TEX15: variants seen among roughly 807,000 people sequenced by gnomAD.
TEX15 encodes the protein testis-expressed protein 15.
Under a neutral mutation model 237.3 loss-of-function variants are expected in TEX15, and 171 were observed. The observed-to-expected ratio is 0.72, with a 90% CI of 0.64 to 0.82. The LOEUF is 0.82. Among genes scored for constraint, TEX15 ranks in the 40% least tolerant of loss-of-function variants. The probability of loss-of-function intolerance (pLI) is 0.00; values close to 1 mark genes in which losing one functional copy is unlikely to be tolerated. For missense variants in TEX15, 3,750 were observed against 3,646.5 expected (o/e 1.03, Z -0.73); for synonymous variants, 1,338 against 1,269.8 (o/e 1.05, Z -1.14).
chr8:30,849,185 G>A lies in TEX15; in HGVS notation c.982C>T (p.Leu328=), dbSNP rs1364629793. 6.5e-7 allele frequency: 1 copy of A among 1,540,032 alleles called. No individual in the cohort carries two copies. Among genetic ancestry groups the A allele is most frequent in the Non-Finnish European group, 8.7e-7 (1 of 1,147,426 alleles). The change falls in exon 8 of 11, where the codon CTA becomes TTA. Residue 328 remains leucine, a synonymous_variant. Transcript: ENST00000643185. ...FVQENCLCNA[L]NSEINPFISN... The stretch of plus-strand genomic sequence containing the variant: ...ATGAAAGGATTTATCTCTGAATTTA[G>A]TGCATTGCATAAACAGTTTTCTTGA...
intron 3 of TEX15, among the ~76,000 whole-genome samples, chr8:30,884,130 C>A (rs928697963): frequency 6.6e-6 from 1 of 152,150 alleles, no homozygotes; most frequent in African/African-American, 2.4e-5. Flanking sequence ...AGCCACAGTG[C>A]CCAATGGTGT....
Position 30,846,640 on chromosome 8 carries a change from G to A in TEX15, c.3527C>T (p.Ala1176Val), listed in dbSNP as rs2128768000. ...ATGTGTGCAAAAACTATCTTTCAAT[G>A]CAAGGGAGTCAGCTGTCGGGCTGAA... The part of the protein sequence containing the change: ...PGFSPTADSL[A>V]LKDSFCTHVT... Residue 1176 changes from alanine to valine, a missense_variant, in exon 8 of 11, where the codon GCA becomes GTA. Ala to Val is a moderately conservative substitution (Grantham distance 64). Transcript: ENST00000643185. 1.2e-6 allele frequency: 2 copies of A among 1,613,822 alleles called. No homozygotes were observed. Among genetic ancestry groups the A allele is most frequent in the East Asian group, 4.5e-5 (2 of 44,864 alleles).
At chr8:30,909,237 A>G (rs1311883265) in intron 1 of TEX15, among the ~76,000 whole-genome samples, 1 of 152,096 alleles carries the variant, frequency 6.6e-6, no homozygotes, top group Non-Finnish European at 1.5e-5. Context: ...CTTAAAAATC[A>G]AAATATGTTT....
intron 4 of TEX15, among the ~76,000 whole-genome samples, chr8:30,872,192 C>G (rs1366870331): frequency 6.6e-6 from 1 of 152,014 alleles, no homozygotes; most frequent in Non-Finnish European, 1.5e-5. Context: ...CAATTTCTAC[C>G]CCCAGATTGC....
chr8:30,848,344 T>C lies in TEX15; in HGVS notation c.1823A>G (p.Lys608Arg), dbSNP rs770129524. ...QTSTVFPLKK[K>R]VSIDEYLQNT... ...TTGAAGGTATTCATCAATGCTTACT[T>C]TCTTTTTGAGTGGAAAAACTGTAGA... The change falls in exon 8 of 11, where the codon AAA becomes AGA. Residue 608 changes from lysine to arginine, a missense_variant. By Grantham distance (26) the Lys-to-Arg change is conservative. Transcript: ENST00000643185. 65 of 1,614,054 alleles carry C rather than the reference T, an allele frequency of 4.0e-5. No homozygotes were observed. In the Admixed American group the frequency reaches 1.1e-3, roughly 27 times the overall value.
At chr8:30,905,189 G>A (rs1300630884) in intron 1 of TEX15, among the ~76,000 whole-genome samples, 1 of 151,170 alleles carries the variant, frequency 6.6e-6, no homozygotes, top group Admixed American at 6.6e-5. Context: ...CTGTTTGATC[G>A]TGCAATGTCA....
chr8:30,899,465 A>G (rs1274401120), intron 1 of TEX15, among the ~76,000 whole-genome samples: 1 of 152,198 alleles, frequency 6.6e-6, no homozygotes, highest in Non-Finnish European at 1.5e-5. Context: ...CGTGTGAGAC[A>G]GTCTCACTCA....
At chr8:30,907,481 A>G (rs1032413563) in intron 1 of TEX15, among the ~76,000 whole-genome samples, 2 of 147,338 alleles carry the variant, frequency 1.4e-5, no homozygotes, top group Admixed American at 1.4e-4. Context: ...GTATATATAA[A>G]TTATATATAA....
In TEX15 at chr8:30,844,959, G is replaced by A. The variant is rs779269778; in HGVS notation, c.5208C>T (p.Tyr1736=). The A allele has an allele frequency of 3.1e-6, 5 of 1,613,408 alleles. No homozygotes were observed. The East Asian group carries it at 8.9e-5, about 29-fold the overall frequency. The change falls in exon 8 of 11, where the codon TAC becomes TAT. Residue 1736 remains tyrosine (Y), a synonymous_variant. Coordinates refer to ENST00000643185, the MANE Select transcript of TEX15 (RefSeq NM_001350162.2). ...CAGTAAGAATTCTCTGCTTATCCAA[G>A]TAAGATTTTGAAGATTCTCCCTCAC... ...TDSEGESSKS[Y]LDKQRILTVD... is the part of the protein sequence containing the mutation.
intron 8 of TEX15, among the ~76,000 whole-genome samples, chr8:30,840,489 C>T (rs1563230071): frequency 6.6e-6 from 1 of 152,212 alleles, no homozygotes; most frequent in Non-Finnish European, 1.5e-5. Context: ...AGCCACCACA[C>T]CTGGCCCTTA....
chr8:30,900,456 AAT>A (rs1808986275), intron 1 of TEX15, among the ~76,000 whole-genome samples: 1 of 152,234 alleles, frequency 6.6e-6, no homozygotes, highest in Admixed American at 6.5e-5. Flanking sequence ...TTATATGAGT[AAT>A]ATGTGTATTT....
rs938831287 is a variant in TEX15, at chr8:30,842,058, T to C, written c.8109A>G (p.Glu2703=). The C allele has an allele frequency of 1.9e-6, 3 of 1,611,650 alleles. No individual in the cohort carries two copies. Among genetic ancestry groups the C allele is most frequent in the Non-Finnish European group, 2.5e-6 (3 of 1,179,402 alleles). The part of the protein sequence containing the change: ...KKRPSTVDKC[E]DSQEQQQDTT... ...TATCTTGCTGTTGTTCCTGAGAGTC[T>C]TCACATTTGTCTACAGTGCTCGGTC... The change falls in exon 8 of 11, where the codon GAA becomes GAG. Residue 2703 remains glutamate, a synonymous_variant. Coordinates refer to ENST00000643185, the MANE Select transcript of TEX15 (RefSeq NM_001350162.2).
intron 3 of TEX15, among the ~76,000 whole-genome samples, chr8:30,877,773 A>C (rs1808431394): frequency 1.3e-5 from 2 of 152,198 alleles, no homozygotes; most frequent in African/African-American, 4.8e-5. Flanking sequence ...CAAAACTAGG[A>C]AAATGACATT....
At position 30,858,758 on chromosome 8, in the gene TEX15, C is replaced by T; in HGVS notation, c.760G>A (p.Val254Ile). 1.3e-6 allele frequency: 2 copies of T among 1,535,542 alleles called. No homozygotes were observed. The highest frequency in any genetic ancestry group is 2.4e-5 in the South Asian group (2 of 84,020). The stretch of plus-strand genomic sequence containing the variant: ...TTTGAACCAAGAAATTTTACTGTTA[C>T]TACAGCATATGGAAGACATTGCCTA... ...KPRQCLPYAV[V>I]TVKFLGSKVD... The change falls in exon 7 of 11, where the codon GTA (valine) becomes ATA (isoleucine). Residue 254 changes from valine (V) to isoleucine (I), a missense_variant. Val to Ile is a conservative substitution (Grantham distance 29, BLOSUM62 3). Coordinates refer to ENST00000643185, the MANE Select transcript of TEX15 (RefSeq NM_001350162.2).
chr8:30,895,653 T>G (rs113070977), intron 2 of TEX15, among the ~76,000 whole-genome samples: 149 of 147,004 alleles, frequency 1.0e-3, no homozygotes, highest in Non-Finnish European at 2.0e-3. Context: ...AGGGTTTACA[T>G]GTCAACACCT....
intron 4 of TEX15, among the ~76,000 whole-genome samples, chr8:30,872,144 T>C (rs911405342): frequency 2.0e-5 from 3 of 152,112 alleles, no homozygotes; most frequent in Admixed American, 2.0e-4. Context: ...CCTCAATCTA[T>C]AATGAACTTC....
At chr8:30,889,952 T>TATATATAC (rs1264779192) in intron 2 of TEX15, among the ~76,000 whole-genome samples, 39 of 131,888 alleles carry the variant, frequency 3.0e-4, no homozygotes, top group African/African-American at 1.3e-3. Context: ...TATATATATA[T>TATATATAC]ACATATATAT....
At chr8:30,861,165 T>C (rs1808043135) in intron 5 of TEX15, among the ~76,000 whole-genome samples, 1 of 152,150 alleles carries the variant, frequency 6.6e-6, no homozygotes, top group Non-Finnish European at 1.5e-5. Context: ...GATTATTCAA[T>C]TAATGATGTG....
chr8:30,887,156 A>C lies in TEX15; in HGVS notation c.136+11T>G. 2 of 1,521,714 alleles carry C rather than the reference A, an allele frequency of 1.3e-6. No homozygotes were observed. Among genetic ancestry groups the C allele is most frequent in the Non-Finnish European group, 1.8e-6 (2 of 1,142,716 alleles). The allele number at this position is 1,521,714 out of a possible 1,614,324, so 94.3% of individuals were successfully genotyped here. On this transcript the variant is annotated intron_variant, in intron 3 of 10. Transcript: ENST00000643185. ...AGTTACTAAAAAAATTCCCAACCAC[A>C]GAAATATTACCTTTCTCAGCTGTCC...
Sources: allele counts gnomAD v4.1 joint callset (sites outside exome capture counted in the v4.1 genomes callset), GRCh38; gene constraint gnomAD v4.1.1; transcripts MANE v1.5; gene names NCBI Gene and HGNC (gene_info 2026-07-23, HGNC 2026-07-21).